RNF150: variants seen among roughly 807,000 people sequenced by gnomAD.
RNF150 encodes the protein ring finger protein 150.
Under a neutral mutation model 39.3 loss-of-function variants are expected in RNF150, and 24 were observed. That is an observed-to-expected ratio of 0.61 (90% CI 0.44 to 0.86). The LOEUF is 0.86. Among genes scored for constraint, RNF150 ranks in the 40% least tolerant of loss-of-function variants. The pLI, the probability that RNF150 is intolerant of heterozygous loss-of-function variation, is 0.00. For missense variants in RNF150, 502 were observed against 587.8 expected (o/e 0.85, Z 1.51); for synonymous variants, 255 against 227.3 (o/e 1.12, Z -1.10).
chr4:140,951,905 C>T (rs767585758), intron 2 of RNF150, among the ~76,000 whole-genome samples: 31 of 151,548 alleles, frequency 2.0e-4, no homozygotes, highest in Admixed American at 6.6e-5. Flanking sequence ...TAATATTGCA[C>T]CTAATTCAAT....
chr4:141,066,189 C>G (rs11945028), intron 1 of RNF150, among the ~76,000 whole-genome samples: 96 of 151,228 alleles, frequency 6.3e-4, no homozygotes, highest in African/African-American at 2.3e-3. Context: ...GATGCAAGAA[C>G]ATTAGAACAG....
Position 140,967,595 on chromosome 4 carries a change from A to T in RNF150, c.735+28T>A, listed in dbSNP as rs181785154. 374 of 1,561,946 alleles carry T rather than the reference A, an allele frequency of 2.4e-4. 3 individuals carry two copies. The African/African-American group carries it at 4.8e-3, about 20-fold the overall frequency. On this transcript the variant is annotated intron_variant, in intron 2 of 6. Coordinates refer to ENST00000515673, the MANE Select transcript of RNF150 (RefSeq NM_020724.2). ...TAATAACATTTTTGTAACAATTTTT[A>T]AAAGTTTTTTAACTTTTTGCTACTC...
chr4:141,206,442 T>C (rs1234287195), intron 1 of RNF150, among the ~76,000 whole-genome samples: 1 of 116,916 alleles, frequency 8.6e-6, no homozygotes, highest in East Asian at 3.3e-4. Context: ...AAAAAAAGAG[T>C]GTTCCCAAAC....
rs115760498 is a variant in RNF150 at position 140,959,416 on chromosome 4, C to T, written c.735+8207G>A. ...GTGCTGTGTGTGCTCTGAGTAGAGC[C>T]GCATCCTAATCCACATGCTCCTAAG... On this transcript the variant is annotated intron_variant, in intron 2 of 6. Coordinates refer to ENST00000515673, the MANE Select transcript of RNF150 (RefSeq NM_020724.2). Among the ~76,000 whole-genome samples, 976 of 152,068 alleles carry T rather than the reference C, an allele frequency of 6.4e-3. 10 individuals carry two copies. Among genetic ancestry groups the T allele is most frequent in the African/African-American group, 0.017 (706 of 41,486 alleles).
At chr4:140,870,726 A>G (rs1465041027) in intron 6 of RNF150, among the ~76,000 whole-genome samples, 1 of 152,198 alleles carries the variant, frequency 6.6e-6, no homozygotes. Flanking sequence ...CACAACCCAC[A>G]CAGCCAGATG....
intron 1 of RNF150, among the ~76,000 whole-genome samples, chr4:141,195,299 G>A (rs1001644241): frequency 3.3e-5 from 5 of 152,086 alleles, no homozygotes; most frequent in Non-Finnish European, 7.4e-5. Flanking sequence ...CCCCTGGAAG[G>A]CCTCCAGACT....
chr4:141,205,808 A>C (rs995041575), intron 1 of RNF150, among the ~76,000 whole-genome samples: 3 of 152,136 alleles, frequency 2.0e-5, no homozygotes, highest in African/African-American at 7.2e-5. Flanking sequence ...ATTTTAATAA[A>C]CTATTTCCTA....
At chr4:141,038,569 T>C (rs1284325065) in intron 1 of RNF150, among the ~76,000 whole-genome samples, 1 of 151,996 alleles carries the variant, frequency 6.6e-6, no homozygotes, top group Admixed American at 6.6e-5. Context: ...CATGTGTCTG[T>C]AGTCCTAGCT....
intron 1 of RNF150, among the ~76,000 whole-genome samples, chr4:140,984,760 G>C (rs1390884133): frequency 6.6e-6 from 1 of 152,072 alleles, no homozygotes; most frequent in East Asian, 1.9e-4. Flanking sequence ...TACCACCTAG[G>C]AGCAGCCATG....
chr4:140,956,510 C>T (rs914488228), intron 2 of RNF150, among the ~76,000 whole-genome samples: 1 of 152,126 alleles, frequency 6.6e-6, no homozygotes, highest in Non-Finnish European at 1.5e-5. Flanking sequence ...GAGATGAATC[C>T]TTAGCATTCT....
chr4:140,950,210 T>C (rs1280377765), intron 2 of RNF150, among the ~76,000 whole-genome samples: 2 of 152,236 alleles, frequency 1.3e-5, no homozygotes, highest in African/African-American at 4.8e-5. Flanking sequence ...TGGTCTGCAA[T>C]AGATGTGTAT....
intron 1 of RNF150, among the ~76,000 whole-genome samples, chr4:141,104,628 T>C (rs182708208): frequency 1.4e-3 from 209 of 152,312 alleles, no homozygotes; most frequent in Non-Finnish European, 2.2e-3. Flanking sequence ...ACAACAGCAA[T>C]TGATGATTCT....
chr4:140,917,624 A>T (rs891079559), intron 5 of RNF150, among the ~76,000 whole-genome samples: 9 of 152,242 alleles, frequency 5.9e-5, no homozygotes, highest in Non-Finnish European at 1.2e-4. Context: ...AACATTAGAC[A>T]GATCAACGAG....
At chr4:140,935,095 A>G (rs1316338309) in intron 4 of RNF150, among the ~76,000 whole-genome samples, 5 of 137,056 alleles carry the variant, frequency 3.6e-5, no homozygotes, top group African/African-American at 1.4e-4. Context: ...TATAATAAAT[A>G]TATATATAAA....
intron 1 of RNF150, among the ~76,000 whole-genome samples, chr4:141,209,215 T>C (rs2111228193): frequency 1.1e-5 from 1 of 92,746 alleles, no homozygotes; most frequent in Non-Finnish European, 2.6e-5. Flanking sequence ...GGACTGGAGT[T>C]ATAATTAAAA....
At chr4:140,904,212 A>T (rs989707663) in intron 6 of RNF150, among the ~76,000 whole-genome samples, 1 of 152,184 alleles carries the variant, frequency 6.6e-6, no homozygotes, top group South Asian at 2.1e-4. Context: ...CTGGCACGTT[A>T]AGAGTCACGG....
intron 1 of RNF150, among the ~76,000 whole-genome samples, chr4:141,007,411 T>C (rs1019595694): frequency 2.6e-5 from 4 of 152,218 alleles, no homozygotes; most frequent in Non-Finnish European, 2.9e-5. Flanking sequence ...TAAGTTTTTC[T>C]GAAACTCATC....
At chr4:141,133,548 T>A (rs1401312033), upstream of RNF150, 1 of 152,356 alleles carries the variant, frequency 6.6e-6, no homozygotes, top group African/African-American at 2.4e-5. Flanking sequence ...CCCCTGGGAT[T>A]CTCTTGCCAT....
chr4:141,030,757 G>C (rs923616943), intron 1 of RNF150, among the ~76,000 whole-genome samples: 1 of 151,840 alleles, frequency 6.6e-6, no homozygotes, highest in Non-Finnish European at 1.5e-5. Flanking sequence ...ATCTAAAGTA[G>C]TCAAATTTAT....
Sources: gnomAD v4.1 joint callset for allele counts (sites outside exome capture counted in the v4.1 genomes callset) on GRCh38, gnomAD v4.1.1 for gene constraint, MANE v1.5 for transcripts, NCBI Gene and HGNC (gene_info 2026-07-23, HGNC 2026-07-21) for gene names.